FBN1: variants seen among roughly 807,000 people sequenced by gnomAD.
FBN1 encodes the protein fibrillin-1.
A neutral mutation model predicts 365.1 loss-of-function variants in FBN1; 29 were observed. The observed-to-expected ratio is 0.08, with a 90% CI of 0.06 to 0.11. FBN1 has a LOEUF of 0.11. Ranked by LOEUF, FBN1 falls within the 10% of genes least tolerant of loss-of-function variation. The pLI is 1.00. For synonymous variants in FBN1, 1,210 were observed against 1,270.5 expected (o/e 0.95, Z 1.01); for missense variants, 2,476 against 3,703.2 (o/e 0.67, Z 8.60).
chr15:48,465,915 T>A, intron 38 of FBN1, 57 bp from the exon 39 acceptor site: 1 of 1,193,982 alleles, frequency 8.4e-7, no homozygotes, highest in Non-Finnish European at 1.2e-6. Context: ...TTAGAAATAG[T>A]ATCCTCAAGA....
At chr15:48,427,946 G>T (rs1263723107) in intron 57 of FBN1, 173 bp from the exon 58 acceptor site, 2 of 712,334 alleles carry the variant, frequency 2.8e-6, no homozygotes, top group Non-Finnish European at 5.1e-6. Context: ...GATGACGTCT[G>T]AGGGAAACAA....
intron 40 of FBN1, among the ~76,000 whole-genome samples, chr15:48,465,109 C>T (rs1349517543): frequency 1.3e-5 from 2 of 152,098 alleles, no homozygotes; most frequent in Admixed American, 6.5e-5. Context: ...TGAACAAGGG[C>T]CACCACTCAT....
At position 48,412,591 on chromosome 15, in the gene FBN1, T is replaced by G; in HGVS notation, c.8204A>C (p.Glu2735Ala). 1 of 1,614,128 alleles carries G rather than the reference T, an allele frequency of 6.2e-7. No homozygotes were observed. Among genetic ancestry groups the G allele is most frequent in the South Asian group, 1.1e-5 (1 of 91,072 alleles). Reference sequence around the variant, plus strand: ...CACCTCGATATTGGAGGCATCAGTTTCGTTTGTGCTTCTCCGTTTCCTGCC... The same window carrying G: ...CACCTCGATATTGGAGGCATCAGTTGCGTTTGTGCTTCTCCGTTTCCTGCC... ...KRGRKRRSTN[E>A]TDASNIEDQS... Residue 2735 changes from glutamate (E) to alanine (A), a missense_variant, in exon 65 of 66, where the codon GAA becomes GCA. Transcript: ENST00000316623.
chr15:48,481,138 G>T (rs920328723), intron 32 of FBN1, among the ~76,000 whole-genome samples: 2 of 152,130 alleles, frequency 1.3e-5, no homozygotes, highest in African/African-American at 4.8e-5. Context: ...TAAGTCCCAT[G>T]AATAAAGACT....
intron 55 of FBN1, among the ~76,000 whole-genome samples, chr15:48,432,576 G>A (rs968737519): frequency 1.3e-5 from 2 of 152,062 alleles, no homozygotes; most frequent in Admixed American, 6.6e-5. Context: ...TTGAACGTGG[G>A]GAAATGTCTT....
intron 17 of FBN1, among the ~76,000 whole-genome samples, chr15:48,502,920 G>T (rs1009038091): frequency 2.0e-5 from 3 of 152,126 alleles, no homozygotes; most frequent in Non-Finnish European, 2.9e-5. Context: ...ATTCTGACTC[G>T]CTATCCAGTT....
intron 23 of FBN1, 84 bp downstream of exon 23, chr15:48,494,120 A>G (rs1851718080): frequency 1.9e-6 from 2 of 1,072,216 alleles, no homozygotes; most frequent in Non-Finnish European, 2.9e-6. Context: ...CTGTGAAGTT[A>G]TATGACAGCT....
At chr15:48,500,923 G>A (rs1278980395) in intron 17 of FBN1, among the ~76,000 whole-genome samples, 1 of 152,174 alleles carries the variant, frequency 6.6e-6, no homozygotes. Context: ...ACTGACTGAA[G>A]ACATTCCTTT....
At chr15:48,428,321 A>C in intron 57 of FBN1, 25 bp downstream of exon 57, 1 of 1,613,752 alleles carries the variant, frequency 6.2e-7, no homozygotes, top group Non-Finnish European at 8.5e-7. Flanking sequence ...TGAGGTTAGG[A>C]AAGTGCGGTG....
rs774096339 is a variant in FBN1, at chr15:48,428,410, A to T, written c.6933T>A (p.Arg2311=). ...ICENGRCLNT[R]GSYTCECNDG... ...CATTACACTCACAGGTGTAGCTCCC[A>T]CGGGTGTTGAGGCAGCGCCCATTCT... The change falls in exon 57 of 66, where the codon CGT becomes CGA. Residue 2311 remains arginine, a synonymous_variant. Coordinates refer to ENST00000316623, the MANE Select transcript of FBN1 (RefSeq NM_000138.5). 2 of 1,613,944 alleles carry T rather than the reference A, an allele frequency of 1.2e-6. No individual in the cohort carries two copies. Among genetic ancestry groups the T allele is most frequent in the Non-Finnish European group, 1.7e-6 (2 of 1,179,944 alleles).
chr15:48,631,363 A>G (rs982909483), intron 2 of FBN1, among the ~76,000 whole-genome samples: 18 of 152,328 alleles, frequency 1.2e-4, no homozygotes, highest in Admixed American at 7.2e-4. Flanking sequence ...CCTGTCCCCA[A>G]TCACGCAAGC....
Position 48,487,371 on chromosome 15 carries a change from C to G in FBN1, c.3404G>C (p.Ser1135Thr). ...RGGVCHNTEGSYRCECPPGHQ... is the reference protein window; with the variant it reads ...RGGVCHNTEGTYRCECPPGHQ... ...GCCAGGCGGGCATTCACAGCGGTAACTTCCCTCTGTGTTATGGCAAACACC... is the reference window on the plus strand; with the variant it reads ...GCCAGGCGGGCATTCACAGCGGTAAGTTCCCTCTGTGTTATGGCAAACACC... The change falls in exon 28 of 66, where the codon AGT becomes ACT. Residue 1135 changes from serine to threonine, a missense_variant. Ser to Thr is a moderately conservative substitution (Grantham distance 58). Coordinates refer to ENST00000316623, the MANE Select transcript of FBN1 (RefSeq NM_000138.5). 1 of 1,614,184 alleles carries G rather than the reference C, an allele frequency of 6.2e-7. No homozygotes were observed. Among genetic ancestry groups the G allele is most frequent in the South Asian group, 1.1e-5 (1 of 91,082 alleles).
intron 5 of FBN1, among the ~76,000 whole-genome samples, 195 bp downstream of exon 5, chr15:48,599,944 C>A (rs2044548752): frequency 6.6e-6 from 1 of 152,110 alleles, no homozygotes; most frequent in Non-Finnish European, 1.5e-5. Flanking sequence ...AACCTGTAAC[C>A]AATCAAGGTT....
chr15:48,446,858 T>G (rs957788258), intron 46 of FBN1, 36 bp from the exon 47 acceptor site: 9 of 1,423,076 alleles, frequency 6.3e-6, no homozygotes, highest in Non-Finnish European at 8.9e-6. Context: ...AACATAATTA[T>G]AAGTAGAAAA....
At position 48,644,711 on chromosome 15, in the gene FBN1, T is replaced by C. The variant is rs201309310; in HGVS notation, c.59A>G (p.Tyr20Cys). 399 of 1,614,086 alleles carry C rather than the reference T, an allele frequency of 2.5e-4. No individual in the cohort carries two copies. The highest frequency in any genetic ancestry group is 3.1e-4 in the Non-Finnish European group (371 of 1,180,008). The change falls in exon 2 of 66, where the codon TAC (tyrosine) becomes TGC (cysteine). Residue 20 changes from tyrosine (Y) to cysteine (C), a missense_variant. Physicochemically the swap from Tyr to Cys is radical, Grantham distance 194 (BLOSUM62 -2). Coordinates refer to ENST00000316623, the MANE Select transcript of FBN1 (RefSeq NM_000138.5). ...ALGFTVLLAS[Y>C]TSHGADANLE... is the part of the protein sequence containing the mutation. ...ATTGGCGTCCGCCCCATGGCTCGTG[T>C]AGGACGCTAAAAGCACGGTAAATCC...
intron 54 of FBN1, among the ~76,000 whole-genome samples, chr15:48,434,278 G>A (rs1331760441): frequency 6.6e-6 from 1 of 152,142 alleles, no homozygotes; most frequent in African/African-American, 2.4e-5. Context: ...ACAGAAAGAA[G>A]GAGAAAGTGA....
intron 49 of FBN1, among the ~76,000 whole-genome samples, chr15:48,444,204 T>C (rs375861839): frequency 1.5e-4 from 23 of 152,210 alleles, no homozygotes; most frequent in South Asian, 6.2e-4. Context: ...AATCAGGAGC[T>C]ATTTTTAGCT....
At chr15:48,447,809 G>T (rs1020893749) in intron 46 of FBN1, among the ~76,000 whole-genome samples, 1 of 152,158 alleles carries the variant, frequency 6.6e-6, no homozygotes, top group African/African-American at 2.4e-5. Context: ...AACCCAAAGG[G>T]ACTCTAATGT....
At chr15:48,592,652 CA>C (rs1336066059) in intron 6 of FBN1, among the ~76,000 whole-genome samples, 1 of 150,902 alleles carries the variant, frequency 6.6e-6, no homozygotes, top group Admixed American at 6.6e-5. Flanking sequence ...GTGAACTTAC[CA>C]AAAAAAAGTG....
Sources: gnomAD v4.1 joint callset for allele counts (sites outside exome capture counted in the v4.1 genomes callset) on GRCh38, gnomAD v4.1.1 for gene constraint, MANE v1.5 for transcripts, NCBI Gene and HGNC (gene_info 2026-07-23, HGNC 2026-07-21) for gene names.